The following DCC variants were observed in gnomAD, a reference collection of about 807,000 sequenced individuals.
DCC encodes the protein DCC netrin 1 receptor.
DCC carries 58 observed loss-of-function variants against 172.5 expected under a neutral mutation model. The observed-to-expected ratio is 0.34, with a 90% CI of 0.27 to 0.42. The LOEUF is 0.42. Among genes scored for constraint, DCC ranks in the 10% least tolerant of loss-of-function variants. The pLI is 1.00. For missense variants in DCC, 1,740 were observed against 1,791.0 expected, an observed-to-expected ratio of 0.97 and a Z score of 0.51; for synonymous variants, 709 against 644.5, an observed-to-expected ratio of 1.10 and a Z score of -1.52.
chr18:53,169,605 G>A (rs1322964584), intron 8 of DCC, among the ~76,000 whole-genome samples: 4 of 152,284 alleles, frequency 2.6e-5, no homozygotes, highest in South Asian at 2.1e-4. Context: ...TCCATCTGGT[G>A]TTACAGATCA....
At chr18:52,809,328 G>GGCAGGCCACTCCCAAGATGGCA (rs2038149476) in intron 2 of DCC, 1 of 157,414 alleles carries the variant, frequency 6.4e-6, no homozygotes, top group African/African-American at 2.4e-5. Flanking sequence ...CCAAGATGGC[G>GGCAGGCCACTCCCAAGATGGCA]GCAGGCCACT....
chr18:53,201,784 A>G (rs1461832964), intron 9 of DCC, among the ~76,000 whole-genome samples: 1 of 152,184 alleles, frequency 6.6e-6, no homozygotes, highest in East Asian at 1.9e-4. Flanking sequence ...TTTTTGGAAC[A>G]TAGAGCTTTT....
intron 8 of DCC, among the ~76,000 whole-genome samples, chr18:53,162,033 T>C (rs2054847636): frequency 6.6e-6 from 1 of 152,160 alleles, no homozygotes; most frequent in Admixed American, 6.5e-5. Flanking sequence ...GCATGGTGGC[T>C]CACGCCTGTA....
chr18:53,351,243 G>T (rs1370111809), intron 15 of DCC, among the ~76,000 whole-genome samples: 1 of 133,234 alleles, frequency 7.5e-6, no homozygotes, highest in African/African-American at 2.8e-5. Context: ...TACTAGTATT[G>T]TATATTAGCA....
At chr18:52,436,090 C>T (rs975453167) in intron 1 of DCC, among the ~76,000 whole-genome samples, 1 of 152,188 alleles carries the variant, frequency 6.6e-6, no homozygotes, top group Non-Finnish European at 1.5e-5. Flanking sequence ...TTTAATTCAA[C>T]CACTGATTCT....
At chr18:52,576,599 G>T (rs532757643) in intron 1 of DCC, among the ~76,000 whole-genome samples, 15 of 152,236 alleles carry the variant, frequency 9.9e-5, no homozygotes, top group African/African-American at 3.6e-4. Context: ...GGAGGCCGAG[G>T]CGTGTGGATC....
chr18:53,034,994 C>T (rs1198255625), intron 5 of DCC, among the ~76,000 whole-genome samples: 1 of 152,048 alleles, frequency 6.6e-6, no homozygotes, highest in Non-Finnish European at 1.5e-5. Context: ...CTCTCTTCTC[C>T]TTTATGTACT....
chr18:52,839,021 C>A (rs2038760375), intron 2 of DCC, among the ~76,000 whole-genome samples: 1 of 152,064 alleles, frequency 6.6e-6, no homozygotes, highest in Non-Finnish European at 1.5e-5. Flanking sequence ...TTGACTGAAG[C>A]AGAGGACATG....
intron 1 of DCC, among the ~76,000 whole-genome samples, chr18:52,556,644 TGTAAC>T (rs2032922691): frequency 6.6e-6 from 1 of 152,068 alleles, no homozygotes; most frequent in African/African-American, 2.4e-5. Flanking sequence ...TAATGAGACA[TGTAAC>T]GTATGTACTA....
intron 1 of DCC, among the ~76,000 whole-genome samples, chr18:52,478,706 G>A (rs990910281): frequency 2.0e-5 from 3 of 152,168 alleles, no homozygotes; most frequent in Non-Finnish European, 2.9e-5. Flanking sequence ...GCAGGAGCAG[G>A]AGAGATCATC....
At chr18:53,042,246 G>A (rs748925464) in intron 5 of DCC, among the ~76,000 whole-genome samples, 1 of 151,948 alleles carries the variant, frequency 6.6e-6, no homozygotes, top group African/African-American at 2.4e-5. Context: ...GGCCTTTTCA[G>A]CATCTATTGA....
intron 1 of DCC, among the ~76,000 whole-genome samples, chr18:52,640,490 C>T (rs1321981182): frequency 6.6e-6 from 1 of 152,064 alleles, no homozygotes; most frequent in East Asian, 1.9e-4. Context: ...GCTCTTAGAA[C>T]TGATAAAAGA....
intron 14 of DCC, among the ~76,000 whole-genome samples, chr18:53,334,801 G>T (rs1226542610): frequency 1.3e-5 from 2 of 152,070 alleles, no homozygotes; most frequent in African/African-American, 4.8e-5. Flanking sequence ...ATTCCATTAT[G>T]TGTATATACC....
intron 5 of DCC, among the ~76,000 whole-genome samples, chr18:53,037,139 A>G (rs983223426): frequency 6.6e-6 from 1 of 151,984 alleles, no homozygotes; most frequent in Non-Finnish European, 1.5e-5. Flanking sequence ...AACTCAGTCA[A>G]TGATGCCTAA....
chr18:53,512,651 C>T (rs1176588235), intron 27 of DCC, among the ~76,000 whole-genome samples: 1 of 151,964 alleles, frequency 6.6e-6, no homozygotes, highest in South Asian at 2.1e-4. Flanking sequence ...GGCTGGAGAA[C>T]TATGTGAAGA....
Position 53,175,273 on chromosome 18 carries a change from G to C in DCC, c.1419-3689G>C, listed in dbSNP as rs1423995818. ...TCCCTTTGAAAACTGGCACAAGACA[G>C]GGATGCCCTCTCTCACCACTCCTAT... On this transcript the variant is annotated intron_variant, in intron 8 of 28. Coordinates refer to ENST00000442544, the MANE Select transcript of DCC (RefSeq NM_005215.4). Among the ~76,000 whole-genome samples the C allele has an allele frequency of 1.1e-4, 16 of 151,772 alleles. No individual in the cohort carries two copies. The East Asian group carries it at 1.7e-3, about 17-fold the overall frequency.
At chr18:52,520,816 C>A (rs1405111364) in intron 1 of DCC, among the ~76,000 whole-genome samples, 4 of 151,836 alleles carry the variant, frequency 2.6e-5, no homozygotes, top group Non-Finnish European at 5.9e-5. Context: ...GTTAAAAGTG[C>A]CTTACAATAA....
chr18:53,405,965 A>G (rs1909628804), intron 19 of DCC, among the ~76,000 whole-genome samples: 1 of 152,166 alleles, frequency 6.6e-6, no homozygotes, highest in African/African-American at 2.4e-5. Flanking sequence ...TAAATCAGTG[A>G]TTTGCAGCTG....
chr18:52,654,558 C>G (rs938972977), intron 1 of DCC, among the ~76,000 whole-genome samples: 1 of 152,100 alleles, frequency 6.6e-6, no homozygotes, highest in African/African-American at 2.4e-5. Flanking sequence ...CTCACAGGGC[C>G]TTTTTGTGTG....
Sources: allele counts gnomAD v4.1 joint callset (sites outside exome capture counted in the v4.1 genomes callset), GRCh38; gene constraint gnomAD v4.1.1; transcripts MANE v1.5; gene names NCBI Gene and HGNC (gene_info 2026-07-23, HGNC 2026-07-21).